Variants in ARB2A observed in about 807,000 individuals in gnomAD.
ARB2A encodes the protein ARB2 cotranscriptional regulator A.
the ARB2A span, among the ~76,000 whole-genome samples, chr5:93,875,312 A>G: frequency 1.3e-5 from 2 of 151,768 alleles, no homozygotes; most frequent in Non-Finnish European, 2.9e-5. Context: ...GCTGGCTGCA[A>G]CCTCTGCCTC....
chr5:93,853,653 AG>A, the ARB2A span, among the ~76,000 whole-genome samples: 2 of 152,140 alleles, frequency 1.3e-5, no homozygotes, highest in South Asian at 4.1e-4. Context: ...ATTTATTGAG[AG>A]TTTTTAGCAT....
At chr5:93,620,703 G>A in the ARB2A span, 4,779 of 295,968 alleles carry the variant, frequency 0.016, 202 homozygotes, top group African/African-American at 0.095. Flanking sequence ...TTAGAGCTTC[G>A]CCGGCCGAGC....
the ARB2A span, among the ~76,000 whole-genome samples, chr5:93,949,924 A>G: frequency 4.6e-5 from 7 of 152,314 alleles, no homozygotes; most frequent in African/African-American, 1.4e-4. Context: ...TACTAAGAAT[A>G]AATTTGAATT....
the ARB2A span, among the ~76,000 whole-genome samples, chr5:94,069,213 A>T: frequency 6.6e-6 from 1 of 152,208 alleles, no homozygotes; most frequent in South Asian, 2.1e-4. Flanking sequence ...TAAGTAAATG[A>T]TTCTGGAAAA....
the ARB2A span, among the ~76,000 whole-genome samples, chr5:93,630,914 G>A: frequency 6.6e-6 from 1 of 151,996 alleles, no homozygotes; most frequent in Non-Finnish European, 1.5e-5. Context: ...CTTTAAGACA[G>A]GGTCGTCTTG....
chr5:93,872,234 C>T, the ARB2A span, among the ~76,000 whole-genome samples: 4 of 152,138 alleles, frequency 2.6e-5, no homozygotes, highest in Non-Finnish European at 4.4e-5. Context: ...AGGCACGAGC[C>T]ACTGTGCCCG....
At chr5:93,863,009 G>T in the ARB2A span, 1 of 152,182 alleles carries the variant, frequency 6.6e-6, no homozygotes, top group East Asian at 1.9e-4. Flanking sequence ...GGCCTGGAGA[G>T]ATGAATCCAG....
the ARB2A span, among the ~76,000 whole-genome samples, chr5:93,859,475 A>T: frequency 8.5e-5 from 13 of 152,278 alleles, no homozygotes; most frequent in East Asian, 2.3e-3. Flanking sequence ...CTTTTTAAAT[A>T]ATATGTTAAA....
At chr5:93,781,062 TA>T in the ARB2A span, among the ~76,000 whole-genome samples, 7 of 152,220 alleles carry the variant, frequency 4.6e-5, no homozygotes, top group African/African-American at 1.4e-4. Context: ...GCATTTTTAT[TA>T]CATGGATATA....
chr5:94,047,706 T>C, the ARB2A span, among the ~76,000 whole-genome samples: 1 of 152,120 alleles, frequency 6.6e-6, no homozygotes, highest in Non-Finnish European at 1.5e-5. Flanking sequence ...TGTGCCTCCA[T>C]ATATCCAAAG....
the ARB2A span, among the ~76,000 whole-genome samples, chr5:93,799,818 T>C: frequency 6.6e-6 from 1 of 152,080 alleles, no homozygotes; most frequent in Admixed American, 6.6e-5. Context: ...ACTAAAGATC[T>C]GAGATGAACC....
the ARB2A span, among the ~76,000 whole-genome samples, chr5:94,031,023 T>G: frequency 6.6e-6 from 1 of 152,184 alleles, no homozygotes; most frequent in Non-Finnish European, 1.5e-5. Context: ...ATTTTCTTCA[T>G]CAATTATCCA....
the ARB2A span, among the ~76,000 whole-genome samples, chr5:94,109,702 T>C: frequency 6.6e-6 from 1 of 152,174 alleles, no homozygotes; most frequent in Admixed American, 6.5e-5. Flanking sequence ...CACGCTCCTG[T>C]CTCAGTGCCT....
chr5:93,706,726 C>T, the ARB2A span, among the ~76,000 whole-genome samples: 348 of 152,062 alleles, frequency 2.3e-3, no homozygotes, highest in African/African-American at 7.9e-3. Context: ...GTTAGCCAGG[C>T]GTGGTGGCTC....
At chr5:93,709,577 G>A in the ARB2A span, among the ~76,000 whole-genome samples, 3 of 131,280 alleles carry the variant, frequency 2.3e-5, no homozygotes, top group Non-Finnish European at 4.6e-5. Flanking sequence ...AGGTTGCAGT[G>A]AGCCAAGATT....
At chr5:93,798,876 C>T in the ARB2A span, among the ~76,000 whole-genome samples, 1 of 152,112 alleles carries the variant, frequency 6.6e-6, no homozygotes, top group Non-Finnish European at 1.5e-5. Flanking sequence ...AAGTGATTTA[C>T]TTTTATGTAA....
the ARB2A span, among the ~76,000 whole-genome samples, chr5:93,722,753 T>G: frequency 6.6e-6 from 1 of 152,270 alleles, no homozygotes. Flanking sequence ...TGTTACATTC[T>G]TATCCTTTAA....
the ARB2A span, among the ~76,000 whole-genome samples, chr5:94,086,886 C>G: frequency 4.0e-3 from 608 of 152,232 alleles, 4 homozygotes; most frequent in African/African-American, 0.014. Context: ...ATACTTTTCA[C>G]GTAAAGTGTA....
the ARB2A span, among the ~76,000 whole-genome samples, chr5:94,099,624 CAAAAAAAAAAAA>C: frequency 3.7e-4 from 5 of 13,656 alleles, no homozygotes; most frequent in South Asian, 0.016. Flanking sequence ...GACTCCGTCT[CAAAAAAAAAAAA>C]AAAAAAAAAA....
Sources: gnomAD v4.1 joint callset for allele counts (sites outside exome capture counted in the v4.1 genomes callset) on GRCh38, gnomAD v4.1.1 for gene constraint, MANE v1.5 for transcripts, NCBI Gene and HGNC (gene_info 2026-07-23, HGNC 2026-07-21) for gene names.